NAV1: variants seen among roughly 807,000 people sequenced by gnomAD.
NAV1 encodes neuron navigator 1.
NAV1 carries 18 observed loss-of-function variants against 175.2 expected under a neutral mutation model. The ratio of observed to expected loss-of-function variants is 0.10; its 90% confidence interval spans 0.07 to 0.15. NAV1 has a LOEUF of 0.15. Among genes scored for constraint, NAV1 ranks in the 10% least tolerant of loss-of-function variants. NAV1 has a pLI of 1.00. For synonymous variants in NAV1, 897 were observed against 978.7 expected, an observed-to-expected ratio of 0.92 and a Z score of 1.56; for missense variants, 1,731 against 2,436.6, an observed-to-expected ratio of 0.71 and a Z score of 6.10.
intron 3 of NAV1, among the ~76,000 whole-genome samples, chr1:201,726,193 A>G (rs1176905877): frequency 1.3e-5 from 2 of 152,140 alleles, no homozygotes; most frequent in Non-Finnish European, 2.9e-5. Context: ...AATCCTAAGC[A>G]CGGCTCTAAC....
At chr1:201,645,669 G>C (rs1485171671), upstream of NAV1, among the ~76,000 whole-genome samples, 2 of 124,294 alleles carry the variant, frequency 1.6e-5, no homozygotes, top group African/African-American at 6.2e-5. Flanking sequence ...GCTCACAGCA[G>C]AATACACTGG....
Position 201,718,902 on chromosome 1 carries a change from G to A in NAV1, c.1226+147G>A, listed in dbSNP as rs1672251691. 4.8e-6 allele frequency: 5 copies of A among 1,051,374 alleles called. No homozygotes were observed. The highest frequency in any genetic ancestry group is 5.2e-5 in the Admixed American group (2 of 38,236). The allele number at this position is 1,051,374 out of a possible 1,614,324, so 65.1% of individuals were successfully genotyped here. On this transcript the variant is annotated intron_variant, in intron 3 of 29. Transcript: ENST00000367296. The surrounding 1 kb of genome is among the most constrained non-coding windows in gnomAD (Gnocchi z 4.8). ...CACAAAAGTGTGCTGTGTACACTTTGTGATTGCCTCTGAAATTCGATGTGG... is the reference window on the plus strand; with the variant it reads ...CACAAAAGTGTGCTGTGTACACTTTATGATTGCCTCTGAAATTCGATGTGG...
chr1:201,603,031 C>T (rs779336600), intron 2 of NAV1, among the ~76,000 whole-genome samples: 12 of 152,148 alleles, frequency 7.9e-5, no homozygotes, highest in Admixed American at 2.6e-4. Context: ...TAAACAGTGT[C>T]GGTGTGAGTC....
chr1:201,804,700 G>A (rs1367999029), intron 17 of NAV1, among the ~76,000 whole-genome samples: 1 of 152,026 alleles, frequency 6.6e-6, no homozygotes, highest in Non-Finnish European at 1.5e-5. Context: ...TGAGGACAGA[G>A]GAGTGGTCTG....
intron 17 of NAV1, among the ~76,000 whole-genome samples, chr1:201,804,870 A>C (rs947027138): frequency 6.6e-6 from 1 of 152,208 alleles, no homozygotes; most frequent in Non-Finnish European, 1.5e-5. Context: ...TAGAGACCCA[A>C]CATGGAAGAG....
At chr1:201,783,701 A>T in exon 7 of NAV1, 3 of 1,614,236 alleles carry the variant, frequency 1.9e-6, no homozygotes, top group Non-Finnish European at 2.5e-6. Flanking sequence ...GCACAGGAGC[A>T]TGGAGTCCCT....
At chr1:201,658,254 G>C (rs1037658133) in intron 1 of NAV1, among the ~76,000 whole-genome samples, 2 of 152,130 alleles carry the variant, frequency 1.3e-5, no homozygotes, top group South Asian at 2.1e-4. Context: ...GTTCTGAAAG[G>C]CTGGATGAGG....
intron 1 of NAV1, among the ~76,000 whole-genome samples, chr1:201,559,368 C>T (rs1666129502): frequency 6.6e-6 from 1 of 152,156 alleles, no homozygotes; most frequent in Non-Finnish European, 1.5e-5. Context: ...GGATCTGACA[C>T]TGGAGACTCG....
upstream of NAV1, chr1:201,648,234 C>T: frequency 2.0e-6 from 2 of 1,017,148 alleles, no homozygotes; most frequent in East Asian, 8.9e-5. Flanking sequence ...GGGCGCTGCC[C>T]GGCAGTGCGG....
intron 1 of NAV1, among the ~76,000 whole-genome samples, chr1:201,573,683 A>G (rs929562173): frequency 6.6e-6 from 1 of 152,216 alleles, no homozygotes; most frequent in Non-Finnish European, 1.5e-5. Flanking sequence ...CATGAAAAAT[A>G]TATAAAATGG....
chr1:201,664,806 T>C (rs1453722040), intron 1 of NAV1, among the ~76,000 whole-genome samples: 3 of 152,180 alleles, frequency 2.0e-5, no homozygotes, highest in African/African-American at 7.2e-5. Context: ...TGAGCCGTGG[T>C]ATGCCCTCAG....
At chr1:201,633,082 T>C (rs565455209) in intron 2 of NAV1, among the ~76,000 whole-genome samples, 11 of 152,244 alleles carry the variant, frequency 7.2e-5, no homozygotes, top group Non-Finnish European at 1.2e-4. Context: ...TCTAACAAAC[T>C]TTATAGATCT....
chr1:201,759,206 C>A (rs1674691682), intron 3 of NAV1, among the ~76,000 whole-genome samples: 1 of 152,098 alleles, frequency 6.6e-6, no homozygotes, highest in Admixed American at 6.5e-5. Context: ...AAATGCATGC[C>A]CTTTTGTGTC....
chr1:201,816,563 A>C (rs950522875), intron 28 of NAV1, among the ~76,000 whole-genome samples: 1 of 152,016 alleles, frequency 6.6e-6, no homozygotes, highest in Non-Finnish European at 1.5e-5. Flanking sequence ...AATCTGCTAA[A>C]TTATCCTCCA....
intron 3 of NAV1, among the ~76,000 whole-genome samples, chr1:201,752,525 C>G (rs1674183843): frequency 6.6e-6 from 1 of 151,888 alleles, no homozygotes; most frequent in Non-Finnish European, 1.5e-5. Flanking sequence ...GGCTGCTTGG[C>G]AAGAAAGAAA....
At chr1:201,744,547 G>A (rs575483434) in intron 3 of NAV1, among the ~76,000 whole-genome samples, 1 of 152,212 alleles carries the variant, frequency 6.6e-6, no homozygotes, top group Admixed American at 6.5e-5. Context: ...AAATATGAGA[G>A]GGGATAATGC....
Position 201,565,439 on chromosome 1 carries a change from G to C in NAV1, c.-143-23100G>C, listed in dbSNP as rs34405536. Among the ~76,000 whole-genome samples the C allele has an allele frequency of 2.6e-5, 4 of 152,330 alleles. No homozygotes were observed. In the South Asian group the frequency reaches 8.3e-4, roughly 32 times the overall value. ...CCTGCTCTTGGCAGCTCACACTCCA[G>C]GCCGAGGAGGCACACAAAGTTTCCC... On this transcript the variant is annotated intron_variant, in intron 1 of 33. Transcript: ENST00000685211.
At chr1:201,644,500 C>G (rs1355930510), upstream of NAV1, among the ~76,000 whole-genome samples, 1 of 152,204 alleles carries the variant, frequency 6.6e-6, no homozygotes, top group Non-Finnish European at 1.5e-5. Flanking sequence ...GTGTCAGAAA[C>G]TTCCTGGATG....
chr1:201,652,114 G>A (rs1449518320), intron 1 of NAV1, among the ~76,000 whole-genome samples: 1 of 152,000 alleles, frequency 6.6e-6, no homozygotes, highest in Non-Finnish European at 1.5e-5. Flanking sequence ...GGAGAAGAAT[G>A]GTGACTTGAT....
Sources: allele counts gnomAD v4.1 joint callset (sites outside exome capture counted in the v4.1 genomes callset), GRCh38; gene constraint gnomAD v4.1.1; non-coding constraint Gnocchi (gnomAD v3.1); transcripts MANE v1.5; gene names NCBI Gene and HGNC (gene_info 2026-07-23, HGNC 2026-07-21).